The following TDRP variants were observed in gnomAD, a reference collection of about 807,000 sequenced individuals.
The protein encoded by TDRP is testis development related protein, also known as testis development-related protein.
In TDRP, 12 loss-of-function variants were observed where a neutral mutation model predicts 10.5. The observed-to-expected ratio is 1.15, with a 90% CI of 0.73 to 1.86. The LOEUF (loss-of-function observed/expected upper bound fraction) is 1.86, where lower values mean the gene tolerates loss of function less well. Ranked by LOEUF, TDRP falls within the 40% of genes most tolerant of loss-of-function variation. The pLI is 0.00. For missense variants in TDRP, 353 were observed against 229.2 expected, an observed-to-expected ratio of 1.54 and a Z score of -3.49; for synonymous variants, 139 against 95.4, an observed-to-expected ratio of 1.46 and a Z score of -2.67.
At chr8:501,372 A>T (rs1188346984) in intron 1 of TDRP, among the ~76,000 whole-genome samples, 1 of 151,582 alleles carries the variant, frequency 6.6e-6, no homozygotes, top group Non-Finnish European at 1.5e-5. Context: ...TTTGAGATGG[A>T]GTCTTTCTCT....
At chr8:525,267 G>C (rs1181504983) in intron 1 of TDRP, among the ~76,000 whole-genome samples, 1 of 152,150 alleles carries the variant, frequency 6.6e-6, no homozygotes, top group Non-Finnish European at 1.5e-5. Context: ...AACAAAAGCT[G>C]AGGATTTTCA....
At chr8:509,436 G>C (rs77099870) in intron 1 of TDRP, among the ~76,000 whole-genome samples, 1,588 of 152,262 alleles carry the variant, frequency 0.01, 32 homozygotes, top group African/African-American at 0.035. Context: ...CTCAATTCTT[G>C]ACTTCGGTGC....
intron 1 of TDRP, among the ~76,000 whole-genome samples, chr8:526,907 A>T: frequency 6.6e-6 from 1 of 152,216 alleles, no homozygotes; most frequent in East Asian, 1.9e-4. Flanking sequence ...GAAAGGAAGA[A>T]ATCAAATAAT....
chr8:507,151 A>ATCTCATGAGACTCACTCAC (rs1801489351), intron 1 of TDRP, among the ~76,000 whole-genome samples: 1 of 152,092 alleles, frequency 6.6e-6, no homozygotes, highest in African/African-American at 2.4e-5. Context: ...AAACCATCAG[A>ATCTCATGAGACTCACTCAC]TCTCATGAGA....
chr8:513,285 C>T (rs943402090), intron 1 of TDRP, among the ~76,000 whole-genome samples: 3 of 151,696 alleles, frequency 2.0e-5, no homozygotes, highest in African/African-American at 7.3e-5. Context: ...AAACTGAATC[C>T]AAAAACATTA....
intron 1 of TDRP, among the ~76,000 whole-genome samples, 161 bp downstream of exon 1, chr8:544,489 C>A (rs1029147422): frequency 3.9e-5 from 6 of 152,072 alleles, no homozygotes; most frequent in African/African-American, 1.4e-4. Context: ...CGCACTCGGG[C>A]ACCTAGCGGG....
intron 1 of TDRP, among the ~76,000 whole-genome samples, chr8:520,947 A>C (rs1294572715): frequency 6.6e-6 from 1 of 152,064 alleles, no homozygotes; most frequent in Non-Finnish European, 1.5e-5. Flanking sequence ...GATATGCTTC[A>C]ATTTGTCTAT....
At chr8:527,130 T>C (rs997989207) in intron 1 of TDRP, among the ~76,000 whole-genome samples, 2 of 151,928 alleles carry the variant, frequency 1.3e-5, no homozygotes, top group Non-Finnish European at 2.9e-5. Flanking sequence ...GCCATTTCTA[T>C]ACACCAAAAG....
intron 1 of TDRP, among the ~76,000 whole-genome samples, chr8:542,596 GGCTCAC>G (rs1802527663): frequency 6.6e-6 from 1 of 152,114 alleles, no homozygotes; most frequent in Non-Finnish European, 1.5e-5. Flanking sequence ...CAGGCGCGGT[GGCTCAC>G]GCCTGTAATC....
chr8:502,678 AG>A (rs1801336910), intron 1 of TDRP, among the ~76,000 whole-genome samples: 1 of 152,094 alleles, frequency 6.6e-6, no homozygotes, highest in Non-Finnish European at 1.5e-5. Flanking sequence ...CGGAATCCAG[AG>A]CCACACACCG....
At chr8:515,814 A>G (rs928315947) in intron 1 of TDRP, among the ~76,000 whole-genome samples, 2 of 152,216 alleles carry the variant, frequency 1.3e-5, no homozygotes, top group Admixed American at 1.3e-4. Context: ...TATAAACTGA[A>G]TTATAGATTA....
chr8:543,462 T>C (rs1449434869), intron 1 of TDRP, among the ~76,000 whole-genome samples: 6 of 152,170 alleles, frequency 3.9e-5, no homozygotes, highest in Non-Finnish European at 7.3e-5. Flanking sequence ...TAGTTATTTG[T>C]AGCTTCTGCA....
intron 1 of TDRP, among the ~76,000 whole-genome samples, chr8:512,393 G>C (rs1224191713): frequency 6.6e-6 from 1 of 151,914 alleles, no homozygotes; most frequent in South Asian, 2.1e-4. Flanking sequence ...AGATCGTGCT[G>C]CTGCACTCCA....
intron 1 of TDRP, among the ~76,000 whole-genome samples, chr8:507,839 T>A: frequency 6.6e-6 from 1 of 152,262 alleles, no homozygotes; most frequent in South Asian, 2.1e-4. Flanking sequence ...GGTGACAAAA[T>A]AATCTGTACA....
intron 1 of TDRP, among the ~76,000 whole-genome samples, chr8:500,986 C>G (rs1372228606): frequency 6.6e-6 from 1 of 152,138 alleles, no homozygotes; most frequent in East Asian, 1.9e-4. Flanking sequence ...GTGGGTGGAT[C>G]ACAAGGTCAG....
At chr8:523,996 G>C (rs184351703) in intron 1 of TDRP, among the ~76,000 whole-genome samples, 125 of 152,326 alleles carry the variant, frequency 8.2e-4, no homozygotes, top group African/African-American at 2.8e-3. Flanking sequence ...CCTTGAGCGA[G>C]ATCCAGAGCT....
chr8:513,563 A>C (rs1801674209), intron 1 of TDRP, among the ~76,000 whole-genome samples: 2 of 152,234 alleles, frequency 1.3e-5, no homozygotes, highest in South Asian at 4.1e-4. Context: ...TAAATGGTTA[A>C]AGACTGAAAG....
At chr8:518,296 T>C (rs541931177) in intron 1 of TDRP, among the ~76,000 whole-genome samples, 14 of 151,784 alleles carry the variant, frequency 9.2e-5, no homozygotes, top group South Asian at 2.1e-4. Context: ...TAAAAAAGAG[T>C]CTATTGAAAA....
intron 1 of TDRP, among the ~76,000 whole-genome samples, chr8:515,537 G>C (rs1169624522): frequency 6.6e-6 from 1 of 152,126 alleles, no homozygotes; most frequent in African/African-American, 2.4e-5. Flanking sequence ...CATCATGTCA[G>C]CATTCAAAAA....
Sources: gnomAD v4.1 joint callset for allele counts (sites outside exome capture counted in the v4.1 genomes callset) on GRCh38, gnomAD v4.1.1 for gene constraint, MANE v1.5 for transcripts, NCBI Gene and HGNC (gene_info 2026-07-23, HGNC 2026-07-21) for gene names.